Variants in GRIK4 observed in about 807,000 individuals in gnomAD.
GRIK4 encodes glutamate ionotropic receptor kainate type subunit 4.
GRIK4 carries 40 observed loss-of-function variants against 104.9 expected under a neutral mutation model. The observed-to-expected ratio is 0.38, with a 90% CI of 0.30 to 0.50. The LOEUF is 0.50. GRIK4 is among the 20% of genes least tolerant of loss of function. The pLI is 0.93. For synonymous variants in GRIK4, 485 were observed against 524.9 expected (o/e 0.92, Z 1.04); for missense variants, 1,047 against 1,308.1 (o/e 0.80, Z 3.08).
At chr11:120,748,222 A>T (rs1293632284) in intron 3 of GRIK4, among the ~76,000 whole-genome samples, 1 of 151,848 alleles carries the variant, frequency 6.6e-6, no homozygotes, top group African/African-American at 2.4e-5. Flanking sequence ...CTCCTCTAGC[A>T]CTTGGCTGTT....
At chr11:120,825,271 GT>G (rs1477130498) in intron 6 of GRIK4, among the ~76,000 whole-genome samples, 2 of 152,152 alleles carry the variant, frequency 1.3e-5, no homozygotes, top group Non-Finnish European at 2.9e-5. Flanking sequence ...CATGGCCTGT[GT>G]CCCCACATCT....
Position 120,967,148 on chromosome 11 carries a change from C to A in GRIK4, c.2267-47C>A. ...GGAAGGGGAGCAGAGTGACACCTAA[C>A]AGGGCATTCACAACCTGTGTCCTGG... On this transcript the variant is annotated intron_variant, in intron 18 of 20. Transcript: ENST00000527524. The surrounding 1 kb of genome is among the most constrained non-coding windows in gnomAD (Gnocchi z 4.2). 4 of 1,580,294 alleles carry A rather than the reference C, an allele frequency of 2.5e-6. No homozygotes were observed. The highest frequency in any genetic ancestry group is 2.6e-6 in the Non-Finnish European group (3 of 1,162,406).
At chr11:120,590,623 A>G (rs1948722311) in intron 1 of GRIK4, among the ~76,000 whole-genome samples, 1 of 152,210 alleles carries the variant, frequency 6.6e-6, no homozygotes, top group South Asian at 2.1e-4. Context: ...TGCTTTGCTC[A>G]TTCCCTTGAT....
At chr11:120,826,416 G>A (rs528988634) in intron 6 of GRIK4, among the ~76,000 whole-genome samples, 49 of 152,198 alleles carry the variant, frequency 3.2e-4, no homozygotes, top group South Asian at 2.5e-3. Flanking sequence ...AATTTCTCCC[G>A]CCCCAGCAAT....
chr11:120,824,604 C>T (rs1953210459), intron 6 of GRIK4, among the ~76,000 whole-genome samples: 1 of 133,434 alleles, frequency 7.5e-6, no homozygotes, highest in South Asian at 2.3e-4. Flanking sequence ...GGCTGGAGTG[C>T]AGTGGCGCAA....
intron 3 of GRIK4, among the ~76,000 whole-genome samples, chr11:120,714,100 T>C (rs1044751493): frequency 1.3e-5 from 2 of 152,250 alleles, no homozygotes; most frequent in Middle Eastern, 3.2e-3. Flanking sequence ...CTAAAGGTGC[T>C]ATCCATAGTT....
At chr11:120,654,423 G>T (rs534745044) in intron 2 of GRIK4, among the ~76,000 whole-genome samples, 1 of 152,222 alleles carries the variant, frequency 6.6e-6, no homozygotes, top group East Asian at 1.9e-4. Flanking sequence ...AAGTGCAGTG[G>T]TGTGATCTCT....
chr11:120,920,630 C>G (rs1000197330), intron 13 of GRIK4, among the ~76,000 whole-genome samples: 4 of 151,702 alleles, frequency 2.6e-5, no homozygotes, highest in African/African-American at 7.2e-5. Flanking sequence ...CATATTCCCC[C>G]CAGGAGGTGG....
At chr11:120,546,054 C>T (rs988894609) in intron 1 of GRIK4, among the ~76,000 whole-genome samples, 3 of 152,130 alleles carry the variant, frequency 2.0e-5, no homozygotes, top group Non-Finnish European at 2.9e-5. Flanking sequence ...TCTCTGTGGC[C>T]CATGACCAAA....
At chr11:120,611,539 C>G (rs907317422) in intron 1 of GRIK4, among the ~76,000 whole-genome samples, 1 of 152,184 alleles carries the variant, frequency 6.6e-6, no homozygotes, top group African/African-American at 2.4e-5. Flanking sequence ...TTACTGTTAT[C>G]ATCATGATTT....
chr11:120,712,635 A>C (rs1378450210), intron 3 of GRIK4, among the ~76,000 whole-genome samples: 1 of 152,014 alleles, frequency 6.6e-6, no homozygotes, highest in African/African-American at 2.4e-5. Context: ...AAAAAAAAAA[A>C]AAAAACTTCT....
intron 11 of GRIK4, among the ~76,000 whole-genome samples, chr11:120,878,578 T>A (rs981002185): frequency 1.3e-5 from 2 of 152,008 alleles, no homozygotes; most frequent in Admixed American, 1.3e-4. Flanking sequence ...TGATTGGACT[T>A]GTGAAGTGGA....
chr11:120,775,429 G>A (rs1227302201), intron 3 of GRIK4, among the ~76,000 whole-genome samples: 1 of 152,208 alleles, frequency 6.6e-6, no homozygotes, highest in Non-Finnish European at 1.5e-5. Context: ...CTTTATCACT[G>A]ATGTGACTTG....
At chr11:120,856,007 C>G (rs1017817999) in intron 8 of GRIK4, among the ~76,000 whole-genome samples, 6 of 152,174 alleles carry the variant, frequency 3.9e-5, no homozygotes, top group Non-Finnish European at 7.3e-5. Context: ...TCAGGGGGAC[C>G]AGGAAAAGGA....
intron 1 of GRIK4, among the ~76,000 whole-genome samples, chr11:120,649,920 T>A (rs4245040): frequency 1.3e-5 from 2 of 152,134 alleles, no homozygotes; most frequent in Non-Finnish European, 2.9e-5. Flanking sequence ...GTGCTATAGG[T>A]GGCTTCAGAA....
At chr11:120,760,579 A>G (rs1419662580) in intron 3 of GRIK4, among the ~76,000 whole-genome samples, 3 of 151,868 alleles carry the variant, frequency 2.0e-5, no homozygotes, top group African/African-American at 7.3e-5. Context: ...TATTTCTCCT[A>G]ATGCTATCCC....
At chr11:120,842,275 A>G (rs898574729) in intron 8 of GRIK4, among the ~76,000 whole-genome samples, 2 of 152,216 alleles carry the variant, frequency 1.3e-5, no homozygotes, top group African/African-American at 4.8e-5. Flanking sequence ...TCTAGTTTAT[A>G]AATGTGTCCT....
intron 1 of GRIK4, among the ~76,000 whole-genome samples, chr11:120,579,556 C>G (rs190224801): frequency 6.6e-6 from 1 of 152,212 alleles, no homozygotes; most frequent in Admixed American, 6.5e-5. Flanking sequence ...GGAGTTTAAG[C>G]AGGGGAGTGA....
chr11:120,927,581 A>G (rs1342373276), intron 13 of GRIK4, among the ~76,000 whole-genome samples: 2 of 150,556 alleles, frequency 1.3e-5, no homozygotes, highest in Non-Finnish European at 3.0e-5. Context: ...AAAAAAAAAA[A>G]AAAAAAAAGA....
Sources: gnomAD v4.1 joint callset for allele counts (sites outside exome capture counted in the v4.1 genomes callset) on GRCh38, gnomAD v4.1.1 for gene constraint, Gnocchi (gnomAD v3.1) non-coding constraint, MANE v1.5 for transcripts, NCBI Gene and HGNC (gene_info 2026-07-23, HGNC 2026-07-21) for gene names.